The following SPAG1 variants were observed in gnomAD, a reference collection of about 807,000 sequenced individuals.
SPAG1 encodes sperm-associated antigen 1.
SPAG1 carries 69 observed loss-of-function variants against 100.5 expected under a neutral mutation model. That is an observed-to-expected ratio of 0.69 (90% CI 0.57 to 0.84). SPAG1 has a LOEUF of 0.84. Among genes scored for constraint, SPAG1 ranks in the 40% least tolerant of loss-of-function variants. The pLI is 0.00. For synonymous variants in SPAG1, 336 were observed against 411.6 expected, an observed-to-expected ratio of 0.82 and a Z score of 2.22; for missense variants, 955 against 1,133.1, an observed-to-expected ratio of 0.84 and a Z score of 2.26.
At chr8:100,213,778 C>A in intron 11 of SPAG1, 41 bp from the exon 12 acceptor site, 1 of 1,256,984 alleles carries the variant, frequency 8.0e-7, no homozygotes, top group Non-Finnish European at 1.2e-6. Context: ...TGTGATCTTG[C>A]TAATGGATTT....
At chr8:100,230,519 C>T (rs1036946737) in intron 14 of SPAG1, among the ~76,000 whole-genome samples, 12 of 152,340 alleles carry the variant, frequency 7.9e-5, no homozygotes, top group African/African-American at 2.9e-4. Flanking sequence ...TTGCTTAATT[C>T]TCTCCATCTC....
chr8:100,217,542 A>G (rs1444746646), intron 12 of SPAG1, among the ~76,000 whole-genome samples: 1 of 151,792 alleles, frequency 6.6e-6, no homozygotes, highest in Admixed American at 6.6e-5. Flanking sequence ...ACTCTTTTAG[A>G]CCTCCAGGTG....
rs71274966 is a variant in SPAG1 at position 100,213,038 on chromosome 8, C to CCTCCGCGGA, written c.1097-52_1097-51insCTCCGCGGA. On this transcript the variant is annotated intron_variant, in intron 10 of 18. Transcript: ENST00000388798. ...CCCGCGGCCTCCGCGGCCTCCGCGG[C>CCTCCGCGGA]AACTGCTCCCGGTGATGCAAACCCT... is the stretch of plus-strand genomic sequence containing the variant. The CCTCCGCGGA allele has an allele frequency of 2.0e-4, 278 of 1,356,824 alleles. No homozygotes were observed. The African/African-American group carries it at 3.9e-3, about 19-fold the overall frequency. 84.0% of individuals were successfully genotyped at this position (1,356,824 alleles called of 1,614,324 possible).
In SPAG1 at chr8:100,207,459, A is replaced by G. The variant is rs1586481778; in HGVS notation, c.1097-5631A>G. Among the ~76,000 whole-genome samples, 8 of 152,316 alleles carry G rather than the reference A, an allele frequency of 5.3e-5. No individual in the cohort carries two copies. In the South Asian group the frequency reaches 1.7e-3, roughly 32 times the overall value. On this transcript the variant is annotated intron_variant, in intron 10 of 18. Coordinates refer to ENST00000388798, the MANE Select transcript of SPAG1 (RefSeq NM_003114.5). ...TACACGATATGCAGGCATCACCCAAAAGTGGACAGCTACAGCACTACAGCC... is the reference window on the plus strand; with the variant it reads ...TACACGATATGCAGGCATCACCCAAGAGTGGACAGCTACAGCACTACAGCC...
chr8:100,176,149 G>T (rs1388993131), intron 3 of SPAG1, among the ~76,000 whole-genome samples: 4 of 152,078 alleles, frequency 2.6e-5, no homozygotes, highest in African/African-American at 9.7e-5. Flanking sequence ...CTGGAAACTT[G>T]TCTGCTGCCT....
At chr8:100,169,636 G>A (rs1036452164) in intron 3 of SPAG1, among the ~76,000 whole-genome samples, 5 of 152,104 alleles carry the variant, frequency 3.3e-5, no homozygotes, top group African/African-American at 1.2e-4. Flanking sequence ...TACTCAGGAG[G>A]CTGAGGCACA....
intron 3 of SPAG1, among the ~76,000 whole-genome samples, chr8:100,172,136 C>T (rs781458750): frequency 6.6e-6 from 1 of 152,074 alleles, no homozygotes; most frequent in Non-Finnish European, 1.5e-5. Flanking sequence ...AAATTTTCCT[C>T]TAGCTTGTTG....
chr8:100,234,579 C>G (rs1818919129), intron 16 of SPAG1, among the ~76,000 whole-genome samples: 1 of 152,186 alleles, frequency 6.6e-6, no homozygotes, highest in Non-Finnish European at 1.5e-5. Flanking sequence ...GTGTGGGTAT[C>G]AGGAACTGTT....
intron 3 of SPAG1, among the ~76,000 whole-genome samples, chr8:100,168,356 G>T (rs755846813): frequency 3.3e-5 from 5 of 151,530 alleles, no homozygotes; most frequent in Non-Finnish European, 5.9e-5. Flanking sequence ...TACATCCTTT[G>T]CCCGTTAAAA....
At chr8:100,189,683 T>A (rs1436457591) in intron 8 of SPAG1, among the ~76,000 whole-genome samples, 1 of 152,064 alleles carries the variant, frequency 6.6e-6, no homozygotes, top group East Asian at 1.9e-4. Flanking sequence ...CAGAATATGT[T>A]AGCATTAGGT....
chr8:100,232,600 C>T (rs1015928406), intron 15 of SPAG1, among the ~76,000 whole-genome samples: 1 of 152,164 alleles, frequency 6.6e-6, no homozygotes, highest in Non-Finnish European at 1.5e-5. Flanking sequence ...GCCACCATCC[C>T]CCTGTCATTC....
intron 13 of SPAG1, among the ~76,000 whole-genome samples, chr8:100,223,334 T>C (rs1274164337): frequency 6.6e-6 from 1 of 152,216 alleles, no homozygotes; most frequent in Non-Finnish European, 1.5e-5. Context: ...TTGAAGATTG[T>C]ATTATATTTG....
chr8:100,206,017 C>CAAAAAAAA lies in SPAG1; in HGVS notation c.1097-7042_1097-7035dup, dbSNP rs574907013. Among the ~76,000 whole-genome samples, 128 of 77,322 alleles carry CAAAAAAAA rather than the reference C, an allele frequency of 1.7e-3. 6 individuals carry two copies. The highest frequency in any genetic ancestry group is 1.9e-3 in the African/African-American group (37 of 19,956). 50.7% of individuals were successfully genotyped at this position (77,322 alleles called of 152,430 possible). A position where few individuals can be genotyped will look rare whatever the true frequency, so the allele number is the denominator to read the frequency against. ...CTGGCGACAGAGTGAGACTCTGTCT[C>CAAAAAAAA]AAAAAAAAAAAAAAAAAAAAAAAAA... On this transcript the variant is annotated intron_variant, in intron 10 of 18. Coordinates refer to ENST00000388798, the MANE Select transcript of SPAG1 (RefSeq NM_003114.5).
At position 100,179,822 on chromosome 8, in the gene SPAG1, C is replaced by T. The variant is rs1816287645; in HGVS notation, c.426+1881C>T. Among the ~76,000 whole-genome samples the T allele has an allele frequency of 2.0e-5, 3 of 152,168 alleles. No individual in the cohort carries two copies. In the South Asian group the frequency reaches 6.2e-4, roughly 32 times the overall value. ...TGAGAAGTATGCAGAAAGCACTTCC[C>T]TGCATAGTCAAATATGATGGTTATG... On this transcript the variant is annotated intron_variant, in intron 4 of 18. Coordinates refer to ENST00000388798, the MANE Select transcript of SPAG1 (RefSeq NM_003114.5).
At chr8:100,230,132 T>C (rs1003200275) in intron 14 of SPAG1, among the ~76,000 whole-genome samples, 2 of 152,180 alleles carry the variant, frequency 1.3e-5, no homozygotes, top group African/African-American at 2.4e-5. Context: ...AAAATGATTA[T>C]CCCAAAGGTT....
At position 100,183,943 on chromosome 8, in the gene SPAG1, T is replaced by C. The variant is rs746029828; in HGVS notation, c.489-13T>C. The C allele has an allele frequency of 1.5e-6, 2 of 1,373,212 alleles. No individual in the cohort carries two copies. The highest frequency in any genetic ancestry group is 1.3e-5 in the South Asian group (1 of 76,420). 85.1% of individuals were successfully genotyped at this position (1,373,212 alleles called of 1,614,324 possible). On this transcript the variant is annotated splice_polypyrimidine_tract_variant and intron_variant, in intron 5 of 18. Transcript: ENST00000388798. ...ATTGTACTTTTTTGGTTTTTATTGT[T>C]CTTTCATTTAAGATTTGACGTGGAG... is the stretch of plus-strand genomic sequence containing the variant.
chr8:100,172,179 T>A (rs976346041), intron 3 of SPAG1, among the ~76,000 whole-genome samples: 1 of 152,234 alleles, frequency 6.6e-6, no homozygotes, highest in Admixed American at 6.5e-5. Flanking sequence ...TGGTGTTTTT[T>A]ATTTTTTTAA....
intron 15 of SPAG1, 21 bp from the exon 16 acceptor site, chr8:100,233,390 A>T: frequency 6.2e-7 from 1 of 1,612,440 alleles, no homozygotes; most frequent in East Asian, 2.2e-5. Context: ...CATAATACTG[A>T]GTTCCATTGC....
intron 3 of SPAG1, among the ~76,000 whole-genome samples, chr8:100,168,260 T>C (rs2132207201): frequency 6.6e-6 from 1 of 152,298 alleles, no homozygotes; most frequent in Admixed American, 6.5e-5. Context: ...TCCTACCAGG[T>C]ATCTCATTGT....
Sources: gnomAD v4.1 joint callset for allele counts (sites outside exome capture counted in the v4.1 genomes callset) on GRCh38, gnomAD v4.1.1 for gene constraint, MANE v1.5 for transcripts, NCBI Gene and HGNC (gene_info 2026-07-23, HGNC 2026-07-21) for gene names.